GMDS: variants seen among roughly 807,000 people sequenced by gnomAD.
The protein encoded by GMDS is GDP-mannose 4,6 dehydratase.
GMDS carries 20 observed loss-of-function variants against 49.9 expected under a neutral mutation model. The ratio of observed to expected loss-of-function variants is 0.40; its 90% confidence interval spans 0.28 to 0.58. The LOEUF (loss-of-function observed/expected upper bound fraction) is 0.58, where lower values mean the gene tolerates loss of function less well. Among genes scored for constraint, GMDS ranks in the 20% least tolerant of loss-of-function variants. The pLI is 0.42. For synonymous variants in GMDS, 177 were observed against 178.6 expected (o/e 0.99, Z 0.07); for missense variants, 362 against 481.4 (o/e 0.75, Z 2.32).
At chr6:1,966,733 A>G in intron 4 of GMDS, among the ~76,000 whole-genome samples, 1 of 152,136 alleles carries the variant, frequency 6.6e-6, no homozygotes, top group East Asian at 1.9e-4. Context: ...GGCCCCAAAC[A>G]GGGTTCCTGA....
chr6:2,194,165 G>GT (rs1779180224), intron 1 of GMDS, among the ~76,000 whole-genome samples: 1 of 151,638 alleles, frequency 6.6e-6, no homozygotes, highest in South Asian at 2.1e-4. Flanking sequence ...AGTTTGGACT[G>GT]TGTGTGTGTG....
At chr6:1,683,627 A>G (rs1320716949) in intron 9 of GMDS, among the ~76,000 whole-genome samples, 2 of 152,204 alleles carry the variant, frequency 1.3e-5, no homozygotes, top group Non-Finnish European at 2.9e-5. Context: ...CGGTTATTAC[A>G]TAGAAATGAC....
At chr6:1,807,305 G>T (rs924779468) in intron 7 of GMDS, among the ~76,000 whole-genome samples, 1 of 152,230 alleles carries the variant, frequency 6.6e-6, no homozygotes, top group African/African-American at 2.4e-5. Context: ...GCCTCCCAAA[G>T]TGTTGGGATT....
At chr6:2,141,594 G>A (rs1776290186) in intron 1 of GMDS, among the ~76,000 whole-genome samples, 1 of 152,106 alleles carries the variant, frequency 6.6e-6, no homozygotes, top group Non-Finnish European at 1.5e-5. Context: ...AACAGATTCT[G>A]AACAGGCAGG....
intron 4 of GMDS, among the ~76,000 whole-genome samples, chr6:2,018,465 C>T (rs977133826): frequency 1.3e-5 from 2 of 152,144 alleles, no homozygotes; most frequent in Non-Finnish European, 2.9e-5. Context: ...TCAAAAGAAA[C>T]CTTACACCCC....
chr6:2,076,594 AG>A, intron 4 of GMDS, among the ~76,000 whole-genome samples: 1 of 152,350 alleles, frequency 6.6e-6, no homozygotes, highest in Admixed American at 6.5e-5. Context: ...CAGAGCCCTC[AG>A]AAATAATGCC....
At chr6:2,150,726 A>T (rs6596873) in intron 1 of GMDS, among the ~76,000 whole-genome samples, 106,440 of 152,128 alleles carry the variant, frequency 0.7, 37,625 homozygotes, top group East Asian at 0.82. Flanking sequence ...GCAAACTTTG[A>T]AGATTTTGGC....
intron 9 of GMDS, among the ~76,000 whole-genome samples, chr6:1,676,052 TCTC>T (rs1219374389): frequency 6.6e-6 from 1 of 152,000 alleles, no homozygotes; most frequent in African/African-American, 2.4e-5. Context: ...CAGCCCAAAA[TCTC>T]CTCAAGCTGA....
chr6:2,086,862 T>C (rs1220662043), intron 4 of GMDS, among the ~76,000 whole-genome samples: 2 of 152,356 alleles, frequency 1.3e-5, no homozygotes, highest in Admixed American at 6.5e-5. Context: ...ATTGTTGCCA[T>C]GTGTTTGCTG....
At chr6:1,681,169 C>G (rs974429294) in intron 9 of GMDS, among the ~76,000 whole-genome samples, 1 of 152,010 alleles carries the variant, frequency 6.6e-6, no homozygotes, top group African/African-American at 2.4e-5. Context: ...CACACCTCCC[C>G]CACCGAGAGG....
intron 1 of GMDS, among the ~76,000 whole-genome samples, chr6:2,146,276 A>G (rs879944742): frequency 5.3e-5 from 8 of 152,320 alleles, no homozygotes; most frequent in Admixed American, 5.2e-4. Context: ...AGTTGCTCAT[A>G]CCGCAAGATG....
chr6:2,109,937 G>A (rs1042458715), intron 4 of GMDS, among the ~76,000 whole-genome samples: 1 of 152,116 alleles, frequency 6.6e-6, no homozygotes, highest in Non-Finnish European at 1.5e-5. Context: ...CTCCCTGCCT[G>A]CTCCTTACTT....
At chr6:2,212,224 T>G (rs1780093571) in intron 1 of GMDS, among the ~76,000 whole-genome samples, 1 of 152,208 alleles carries the variant, frequency 6.6e-6, no homozygotes, top group African/African-American at 2.4e-5. Context: ...AATAGCAATA[T>G]CTCAACTAAC....
intron 9 of GMDS, among the ~76,000 whole-genome samples, chr6:1,626,877 T>TA (rs1340225760): frequency 1.3e-5 from 2 of 152,262 alleles, no homozygotes; most frequent in African/African-American, 4.8e-5. Flanking sequence ...TTCAAAGGCT[T>TA]AGAAACAGAC....
chr6:1,843,567 A>G (rs1211684809), intron 7 of GMDS, among the ~76,000 whole-genome samples: 1 of 152,174 alleles, frequency 6.6e-6, no homozygotes, highest in Non-Finnish European at 1.5e-5. Context: ...CATGAGTTTG[A>G]GACCAGCCTG....
intron 4 of GMDS, 84 bp from the exon 5 acceptor site, chr6:1,961,050 C>A: frequency 1.5e-6 from 1 of 679,622 alleles, no homozygotes; most frequent in Non-Finnish European, 2.4e-6. Context: ...ACTACAATTT[C>A]ACACACTGTG....
chr6:1,966,879 T>C (rs186235010), intron 4 of GMDS, among the ~76,000 whole-genome samples: 2 of 152,266 alleles, frequency 1.3e-5, no homozygotes, highest in Admixed American at 6.5e-5. Context: ...TTCCCACCAC[T>C]TAGCCCACAC....
chr6:1,646,213 T>C (rs1429423634), intron 9 of GMDS, among the ~76,000 whole-genome samples: 2 of 152,182 alleles, frequency 1.3e-5, no homozygotes, highest in Non-Finnish European at 2.9e-5. Context: ...AGGCTTTCCT[T>C]GCACCTCTTC....
intron 9 of GMDS, among the ~76,000 whole-genome samples, chr6:1,698,600 G>A (rs191566575): frequency 2.0e-5 from 3 of 152,110 alleles, no homozygotes; most frequent in Non-Finnish European, 2.9e-5. Flanking sequence ...AGTCAGGACC[G>A]CTGCTTTAAG....
Sources: allele counts gnomAD v4.1 joint callset (sites outside exome capture counted in the v4.1 genomes callset), GRCh38; gene constraint gnomAD v4.1.1; transcripts MANE v1.5; gene names NCBI Gene and HGNC (gene_info 2026-07-23, HGNC 2026-07-21).